SLC28A1: variants seen among roughly 807,000 people sequenced by gnomAD.
The protein encoded by SLC28A1 is sodium/nucleoside cotransporter 1.
Under a neutral mutation model 74.8 loss-of-function variants are expected in SLC28A1, and 64 were observed. The observed-to-expected ratio is 0.86, with a 90% confidence interval of 0.70 to 1.05. SLC28A1 has a LOEUF of 1.05. SLC28A1 is among the 50% of genes least tolerant of loss of function. The pLI is 0.00. For missense variants in SLC28A1, 828 were observed against 822.8 expected (o/e 1.01, Z -0.08); for synonymous variants, 359 against 335.0 (o/e 1.07, Z -0.78).
chr15:84,917,999 G>A (rs150810697), intron 9 of SLC28A1, among the ~76,000 whole-genome samples: 12 of 152,184 alleles, frequency 7.9e-5, no homozygotes, highest in Non-Finnish European at 1.5e-4. Flanking sequence ...GCTCAGGTCC[G>A]GGATAAGCCT....
the SLC28A1 span, among the ~76,000 whole-genome samples, chr15:84,967,722 C>T: frequency 1.3e-5 from 2 of 152,112 alleles, no homozygotes; most frequent in East Asian, 3.9e-4. Context: ...AGGGAACCTA[C>T]GAGGCCCTGG....
At chr15:84,957,566 C>T in the SLC28A1 span, among the ~76,000 whole-genome samples, 17 of 152,298 alleles carry the variant, frequency 1.1e-4, no homozygotes, top group South Asian at 1.2e-3. Context: ...CATGCCTGGC[C>T]GACAACACTA....
Position 84,936,468 on chromosome 15 carries a change from T to G in SLC28A1, c.1581+950T>G, listed in dbSNP as rs148968227. Among the ~76,000 whole-genome samples, 501 of 151,898 alleles carry G rather than the reference T, an allele frequency of 3.3e-3. 3 individuals carry two copies. The highest frequency in any genetic ancestry group is 0.012 in the African/African-American group (489 of 41,420). On this transcript the variant is annotated intron_variant, in intron 15 of 18. Coordinates refer to ENST00000394573, the MANE Select transcript of SLC28A1 (RefSeq NM_004213.5). ...AGACGGGGTTCACCATGTTGGCCAG[T>G]CTGGTCTTGAAATCCTGACCTCAAA...
downstream of SLC28A1, among the ~76,000 whole-genome samples, chr15:84,949,294 G>T (rs992815211): frequency 5.3e-5 from 8 of 152,364 alleles, no homozygotes; most frequent in East Asian, 1.2e-3. Flanking sequence ...GATCTCATGG[G>T]TGGAACCAAG....
chr15:84,918,634 C>T (rs368758687), intron 10 of SLC28A1, 30 bp downstream of exon 10: 9 of 1,525,240 alleles, frequency 5.9e-6, no homozygotes, highest in Non-Finnish European at 8.2e-6. Flanking sequence ...GGCCAGGGCT[C>T]TCCCAGAGTC....
intron 10 of SLC28A1, among the ~76,000 whole-genome samples, chr15:84,920,432 C>T (rs1245855863): frequency 1.5e-5 from 2 of 137,644 alleles, no homozygotes; most frequent in Admixed American, 8.1e-5. Flanking sequence ...GGTGACAGAA[C>T]GAGGCTCTGT....
intron 12 of SLC28A1, chr15:84,926,658 G>T: frequency 2.5e-6 from 1 of 397,218 alleles, no homozygotes; most frequent in South Asian, 1.8e-5. Flanking sequence ...TCATAAGCTG[G>T]GTAAGTTGCC....
intron 6 of SLC28A1, chr15:84,895,398 A>AG (rs536186047): frequency 6.2e-7 from 1 of 1,614,028 alleles, no homozygotes; most frequent in South Asian, 1.1e-5. Context: ...CCATGGAGCA[A>AG]GGAGGGCCCG....
intron 12 of SLC28A1, among the ~76,000 whole-genome samples, chr15:84,926,797 G>C (rs1175192977): frequency 8.9e-6 from 1 of 112,816 alleles, no homozygotes; most frequent in East Asian, 3.2e-4. Flanking sequence ...GTGGGGGGTG[G>C]GGGGAGGGGG....
intron 6 of SLC28A1, among the ~76,000 whole-genome samples, chr15:84,898,129 C>CT (rs71135316): frequency 0.13 from 19,459 of 147,450 alleles, 1,452 homozygotes; most frequent in East Asian, 0.36. Context: ...TATTGATTTC[C>CT]TTTTTTTTTT....
chr15:84,917,387 A>G (rs957054090), intron 9 of SLC28A1, among the ~76,000 whole-genome samples: 3 of 152,116 alleles, frequency 2.0e-5, no homozygotes, highest in Non-Finnish European at 4.4e-5. Context: ...GGCCTCTTGC[A>G]CATCCTTCTA....
At chr15:84,962,231 T>C in the SLC28A1 span, among the ~76,000 whole-genome samples, 13,618 of 152,004 alleles carry the variant, frequency 0.09, 775 homozygotes, top group African/African-American at 0.16. Flanking sequence ...CTCACCACCA[T>C]GCCCGGCTAA....
rs150490169 is a variant in SLC28A1, at chr15:84,942,476, G to T, written c.1582-969G>T. On this transcript the variant is annotated intron_variant, in intron 15 of 18. Transcript: ENST00000394573. ...CTTCTTTCTGGGAAATAGGACAGTTGTTAAGAACAAAAGCAAATAACTATT... is the reference window on the plus strand; with the variant it reads ...CTTCTTTCTGGGAAATAGGACAGTTTTTAAGAACAAAAGCAAATAACTATT... 4.2e-3 allele frequency among the ~76,000 whole-genome samples: 633 copies of T among 152,246 alleles called. 1 individual carries two copies. The highest frequency in any genetic ancestry group is 7.3e-3 in the Admixed American group (112 of 15,292).
rs781086423 is a variant in SLC28A1 at position 84,944,813 on chromosome 15, C to T, written c.1820C>T (p.Thr607Ile). Residue 607 changes from threonine (T) to isoleucine (I), a missense_variant, in exon 18 of 19, where the codon ACC becomes ATC. Physicochemically the swap from Thr to Ile is moderately conservative, Grantham distance 89 (BLOSUM62 -1). Around this residue, in one of 3 missense-constraint regions of SLC28A1, gnomAD observed 8 missense variants for 24.9 expected, o/e 0.32. Coordinates refer to ENST00000394573, the MANE Select transcript of SLC28A1 (RefSeq NM_004213.5). ...GACTGCATGTCCCTCTTGAACACGA[C>T]CCTCAGCAGCAGTAGCTTTGAGATT... ...EVDCMSLLNT[T>I]LSSSSFEIYQ... 1.2e-6 allele frequency: 2 copies of T among 1,614,028 alleles called. No individual in the cohort carries two copies. The highest frequency in any genetic ancestry group is 3.3e-5 in the Admixed American group (2 of 59,998).
the SLC28A1 span, among the ~76,000 whole-genome samples, chr15:84,954,285 T>C: frequency 6.6e-6 from 1 of 152,140 alleles, no homozygotes; most frequent in African/African-American, 2.4e-5. Context: ...AGCTCCTATT[T>C]GAACAGAAAG....
At position 84,944,675 on chromosome 15, in the gene SLC28A1, G is replaced by T. The variant is rs759117917; in HGVS notation, c.1762+11G>T. On this transcript the variant is annotated intron_variant, in intron 17 of 18. Coordinates refer to ENST00000394573, the MANE Select transcript of SLC28A1 (RefSeq NM_004213.5). ...ACGCCTGTATGGCAGGTGAGTGCAGGCCTGGCAGGCTCAGAAGGTGGAACC... is the reference window on the plus strand; with the variant it reads ...ACGCCTGTATGGCAGGTGAGTGCAGTCCTGGCAGGCTCAGAAGGTGGAACC... 1 of 1,610,448 alleles carries T rather than the reference G, an allele frequency of 6.2e-7. No homozygotes were observed. The highest frequency in any genetic ancestry group is 1.3e-5 in the African/African-American group (1 of 74,852).
Position 84,924,115 on chromosome 15 carries a change from G to T in SLC28A1, c.1083+5G>T, listed in dbSNP as rs749957657. On this transcript the variant is annotated splice_donor_5th_base_variant and intron_variant, in intron 12 of 18. Coordinates refer to ENST00000394573, the MANE Select transcript of SLC28A1 (RefSeq NM_004213.5). ...GGTGCCTACATCTCCTTTGGGGTAG[G>T]TAGAGCCCTCCTTCTGCTTGGCTAT... 5.0e-6 allele frequency: 8 copies of T among 1,612,144 alleles called. No homozygotes were observed. Among genetic ancestry groups the T allele is most frequent in the Middle Eastern group, 1.6e-4 (1 of 6,062 alleles).
intron 2 of SLC28A1, 100 bp from the exon 3 acceptor site, chr15:84,887,645 T>A (rs1271204531): frequency 1.9e-6 from 3 of 1,555,142 alleles, no homozygotes. Context: ...GCCAGGCATC[T>A]GCTCCCCCCA....
rs1567151085 is a variant in SLC28A1 at position 84,912,830 on chromosome 15, AC to A, written c.795+4036del. Among the ~76,000 whole-genome samples, 7 of 151,810 alleles carry A rather than the reference AC, an allele frequency of 4.6e-5. No homozygotes were observed. In the East Asian group the frequency reaches 7.8e-4, roughly 17 times the overall value. Reference sequence around the variant, plus strand: ...CGCACACACACACACACACACACACACACACACACACACACACAGATCAAAT... The same window carrying A: ...CGCACACACACACACACACACACACAACACACACACACACACAGATCAAAT... On this transcript the variant is annotated intron_variant, in intron 9 of 18. Coordinates refer to ENST00000394573, the MANE Select transcript of SLC28A1 (RefSeq NM_004213.5).
Sources: gnomAD v4.1 joint callset for allele counts (sites outside exome capture counted in the v4.1 genomes callset) on GRCh38, gnomAD v4.1.1 for gene constraint, gnomAD v4.1.1 regional missense constraint, MANE v1.5 for transcripts, NCBI Gene and HGNC (gene_info 2026-07-23, HGNC 2026-07-21) for gene names.